The following SORCS2 variants were observed in gnomAD, a reference collection of about 807,000 sequenced individuals.
SORCS2 encodes the protein VPS10 domain-containing receptor SorCS2.
A neutral mutation model predicts 141.6 loss-of-function variants in SORCS2; 100 were observed. The ratio of observed to expected loss-of-function variants is 0.71; its 90% CI spans 0.60 to 0.83. The LOEUF (loss-of-function observed/expected upper bound fraction) is 0.83. Ranked by LOEUF, SORCS2 falls within the 40% of genes least tolerant of loss-of-function variation. The pLI is 0.00. For synonymous variants in SORCS2, 789 were observed against 676.9 expected, an observed-to-expected ratio of 1.17 and a Z score of -2.57; for missense variants, 1,646 against 1,560.2, an observed-to-expected ratio of 1.05 and a Z score of -0.93.
At chr4:7,679,926 C>T (rs1302761535) in intron 9 of SORCS2, among the ~76,000 whole-genome samples, 6 of 152,160 alleles carry the variant, frequency 3.9e-5, no homozygotes, top group Non-Finnish European at 8.8e-5. Context: ...CATGGAGACC[C>T]AGCTGGGATA....
At chr4:7,325,384 C>G (rs1719186494) in intron 1 of SORCS2, among the ~76,000 whole-genome samples, 1 of 152,186 alleles carries the variant, frequency 6.6e-6, no homozygotes, top group Non-Finnish European at 1.5e-5. Flanking sequence ...CAGCACATCA[C>G]AGACCCCTAG....
chr4:7,596,912 T>C (rs1483007011), intron 3 of SORCS2, among the ~76,000 whole-genome samples: 1 of 151,998 alleles, frequency 6.6e-6, no homozygotes, highest in Non-Finnish European at 1.5e-5. Flanking sequence ...TCACAGGAAA[T>C]CCTGGGGTTG....
At chr4:7,378,009 C>A (rs1013253686) in intron 1 of SORCS2, among the ~76,000 whole-genome samples, 4 of 152,082 alleles carry the variant, frequency 2.6e-5, no homozygotes, top group African/African-American at 9.7e-5. Flanking sequence ...CACAATATAC[C>A]CCGATTTTCA....
intron 2 of SORCS2, among the ~76,000 whole-genome samples, chr4:7,478,041 C>T (rs1014428768): frequency 5.9e-5 from 9 of 152,286 alleles, no homozygotes; most frequent in South Asian, 2.1e-4. Context: ...CCCCAGCCAC[C>T]GGGGGCCTCT....
chr4:7,213,239 A>T (rs988633532), intron 1 of SORCS2, among the ~76,000 whole-genome samples: 4 of 151,478 alleles, frequency 2.6e-5, no homozygotes, highest in African/African-American at 9.8e-5. Flanking sequence ...CACCTCCTCC[A>T]TGGGTGCTTG....
chr4:7,694,546 C>T (rs1176319929), intron 11 of SORCS2, among the ~76,000 whole-genome samples: 1 of 152,214 alleles, frequency 6.6e-6, no homozygotes, highest in Non-Finnish European at 1.5e-5. Flanking sequence ...AATTGGCCCG[C>T]GCAGTGTGCT....
intron 3 of SORCS2, among the ~76,000 whole-genome samples, chr4:7,597,161 G>A (rs983371568): frequency 4.6e-5 from 7 of 151,402 alleles, no homozygotes; most frequent in African/African-American, 1.7e-4. Flanking sequence ...TAGGGGAGGG[G>A]GTTATGGTAG....
chr4:7,403,168 G>A (rs1293756873), intron 2 of SORCS2, among the ~76,000 whole-genome samples: 4 of 152,156 alleles, frequency 2.6e-5, no homozygotes, highest in Non-Finnish European at 5.9e-5. Context: ...GAACCCAGTG[G>A]CATGCACTCA....
intron 1 of SORCS2, among the ~76,000 whole-genome samples, chr4:7,374,829 C>T (rs560283987): frequency 4.6e-5 from 7 of 152,220 alleles, no homozygotes; most frequent in South Asian, 4.2e-4. Flanking sequence ...GGGTAGACCG[C>T]GGGTGGGGGG....
chr4:7,394,012 G>A (rs1181916520), intron 1 of SORCS2, among the ~76,000 whole-genome samples: 1 of 151,866 alleles, frequency 6.6e-6, no homozygotes, highest in Non-Finnish European at 1.5e-5. Context: ...GGCTTCTCCA[G>A]CACTGGCCCT....
chr4:7,613,265 C>T (rs1161079757), intron 3 of SORCS2, among the ~76,000 whole-genome samples: 6 of 152,218 alleles, frequency 3.9e-5, no homozygotes, highest in Non-Finnish European at 7.3e-5. Context: ...TACTCTACGT[C>T]TGCAGAAAAA....
At position 7,653,777 on chromosome 4, in the gene SORCS2, C is replaced by T. The variant is rs143954559; in HGVS notation, c.814-357C>T. 8.2e-3 allele frequency among the ~76,000 whole-genome samples: 1,242 copies of T among 152,352 alleles called. 12 individuals carry two copies. The highest frequency in any genetic ancestry group is 0.048 in the Middle Eastern group (14 of 294). On this transcript the variant is annotated intron_variant, in intron 4 of 26. Coordinates refer to ENST00000507866, the MANE Select transcript of SORCS2 (RefSeq NM_020777.3). ...CTGCCATCCGTTCACTGCTCCAGCC[C>T]TGGCAACACGTGGCTCCTTCCTCCC...
Position 7,538,159 on chromosome 4 carries a change from C to G in SORCS2, c.648+6530C>G, listed in dbSNP as rs140510997. 3.0e-3 allele frequency among the ~76,000 whole-genome samples: 454 copies of G among 152,308 alleles called. 5 individuals carry two copies. The highest frequency in any genetic ancestry group is 0.01 in the African/African-American group (436 of 41,562). ...TAGGTTTTGCAGGAAGACGTGAATA[C>G]TATTAGGACTCCATTTAGCAACAAT... On this transcript the variant is annotated intron_variant, in intron 3 of 26. Transcript: ENST00000507866.
chr4:7,331,954 C>T (rs1237412565), intron 1 of SORCS2, among the ~76,000 whole-genome samples: 1 of 152,190 alleles, frequency 6.6e-6, no homozygotes, highest in Non-Finnish European at 1.5e-5. Context: ...TATCCAGCGT[C>T]CGCCCTCTGC....
At chr4:7,598,192 C>T (rs1717415162) in intron 3 of SORCS2, among the ~76,000 whole-genome samples, 1 of 152,100 alleles carries the variant, frequency 6.6e-6, no homozygotes. Context: ...TGGTCTTGAA[C>T]TCCTGACCTC....
intron 12 of SORCS2, among the ~76,000 whole-genome samples, chr4:7,702,246 G>C (rs1201928350): frequency 6.6e-6 from 1 of 152,128 alleles, no homozygotes; most frequent in African/African-American, 2.4e-5. Context: ...GCAAGGGTGG[G>C]AGGGCAAAGG....
At chr4:7,440,790 C>T (rs572601078) in intron 2 of SORCS2, among the ~76,000 whole-genome samples, 4 of 152,220 alleles carry the variant, frequency 2.6e-5, no homozygotes, top group Non-Finnish European at 5.9e-5. Flanking sequence ...TGCCCGGCCA[C>T]ATGGGGCCTC....
chr4:7,419,275 G>A (rs377378964), intron 2 of SORCS2, among the ~76,000 whole-genome samples: 1 of 152,116 alleles, frequency 6.6e-6, no homozygotes, highest in Admixed American at 6.5e-5. Flanking sequence ...CAGTTCCATA[G>A]GGTCCTGAGG....
intron 10 of SORCS2, among the ~76,000 whole-genome samples, chr4:7,686,666 G>A (rs527986632): frequency 2.0e-5 from 3 of 152,220 alleles, no homozygotes; most frequent in Non-Finnish European, 4.4e-5. Flanking sequence ...CTCCTGATGC[G>A]CACTGGCCTG....
Sources: allele counts gnomAD v4.1 joint callset (sites outside exome capture counted in the v4.1 genomes callset), GRCh38; gene constraint gnomAD v4.1.1; transcripts MANE v1.5; gene names NCBI Gene and HGNC (gene_info 2026-07-23, HGNC 2026-07-21).